SEMA3C: variants seen among roughly 807,000 people sequenced by gnomAD.
SEMA3C encodes semaphorin-3C.
Under a neutral mutation model 89.4 loss-of-function variants are expected in SEMA3C, and 47 were observed. That is an observed-to-expected ratio of 0.53 (90% CI 0.42 to 0.67). SEMA3C has a LOEUF of 0.67. Among genes scored for constraint, SEMA3C ranks in the 30% least tolerant of loss-of-function variants. SEMA3C has a pLI of 0.00. For missense variants in SEMA3C, 839 were observed against 929.1 expected, an observed-to-expected ratio of 0.90 and a Z score of 1.26; for synonymous variants, 310 against 320.2, an observed-to-expected ratio of 0.97 and a Z score of 0.34.
At chr7:80,867,577 A>G (rs1434517853) in intron 2 of SEMA3C, among the ~76,000 whole-genome samples, 2 of 152,160 alleles carry the variant, frequency 1.3e-5, no homozygotes, top group African/African-American at 4.8e-5. Flanking sequence ...CTAGATGCTC[A>G]GTGAAATTTT....
At chr7:80,853,499 CTTAAA>C (rs1375964368) in intron 2 of SEMA3C, among the ~76,000 whole-genome samples, 2 of 152,172 alleles carry the variant, frequency 1.3e-5, no homozygotes, top group African/African-American at 2.4e-5. Flanking sequence ...ATTATGTCAA[CTTAAA>C]TTAACCAGGC....
intron 1 of SEMA3C, 72 bp from the exon 2 acceptor site, chr7:80,916,891 G>GAC (rs1792290707): frequency 1.1e-5 from 14 of 1,245,150 alleles, no homozygotes; most frequent in Non-Finnish European, 1.5e-5. Context: ...CAGCAATCTA[G>GAC]ACAAAACACC....
intron 2 of SEMA3C, among the ~76,000 whole-genome samples, chr7:80,839,653 G>T (rs1790217227): frequency 6.6e-6 from 1 of 152,026 alleles, no homozygotes; most frequent in African/African-American, 2.4e-5. Flanking sequence ...AAGACTTGTA[G>T]GGATATATTT....
intron 2 of SEMA3C, among the ~76,000 whole-genome samples, chr7:80,879,530 C>T (rs1204235167): frequency 6.6e-6 from 1 of 152,166 alleles, no homozygotes; most frequent in Non-Finnish European, 1.5e-5. Context: ...TAACATACAA[C>T]ATTCTGTGAA....
intron 5 of SEMA3C, among the ~76,000 whole-genome samples, chr7:80,812,569 T>C (rs1789492521): frequency 6.6e-6 from 1 of 152,164 alleles, no homozygotes; most frequent in Non-Finnish European, 1.5e-5. Flanking sequence ...GGTAAGGTTG[T>C]TTAGGTACCA....
chr7:80,804,079 TCAAA>T lies in SEMA3C; in HGVS notation c.801+23_801+26del, dbSNP rs984990633. The T allele has an allele frequency of 2.6e-6, 4 of 1,559,264 alleles. No individual in the cohort carries two copies. The African/African-American group carries it at 5.5e-5, about 21-fold the overall frequency. On this transcript the variant is annotated intron_variant, in intron 8 of 17. Transcript: ENST00000265361. Reference sequence around the variant, plus strand: ...ATAATTTGAATTTCTTGGTCTTTCTTCAAATCGGAACAGCATTAATACTTACAGG... The same window carrying T: ...ATAATTTGAATTTCTTGGTCTTTCTTTCGGAACAGCATTAATACTTACAGG...
At chr7:80,883,766 C>A (rs1397433521) in intron 2 of SEMA3C, among the ~76,000 whole-genome samples, 1 of 152,182 alleles carries the variant, frequency 6.6e-6, no homozygotes, top group Non-Finnish European at 1.5e-5. Context: ...CAAAGCACAT[C>A]TTTAAATCAT....
At chr7:80,858,435 C>G (rs1267814913) in intron 2 of SEMA3C, among the ~76,000 whole-genome samples, 1 of 152,044 alleles carries the variant, frequency 6.6e-6, no homozygotes, top group Non-Finnish European at 1.5e-5. Context: ...CAGATATATT[C>G]CAAACTGAAA....
At chr7:80,746,933 A>G (rs1393129819) in intron 17 of SEMA3C, among the ~76,000 whole-genome samples, 1 of 152,120 alleles carries the variant, frequency 6.6e-6, no homozygotes, top group Admixed American at 6.6e-5. Flanking sequence ...TATGCTACTT[A>G]GTATGAACTA....
At position 80,742,822 on chromosome 7, in the gene SEMA3C, T is replaced by G. The variant is rs933528709; in HGVS notation, c.*2072A>C. The G allele has an allele frequency of 1.3e-5, 2 of 151,966 alleles. No individual in the cohort carries two copies. Among genetic ancestry groups the G allele is most frequent in the African/African-American group, 4.8e-5 (2 of 41,434 alleles). The allele number at this position is 151,966 out of a possible 1,614,324, so 9.4% of individuals were successfully genotyped here. ...CCACCAGTAGTATACATTAACAGCATTTTTGAAAAAAAATTTTCTTTTACA... is the reference window on the plus strand; with the variant it reads ...CCACCAGTAGTATACATTAACAGCAGTTTTGAAAAAAAATTTTCTTTTACA... On this transcript the variant is annotated 3_prime_UTR_variant, in exon 18 of 18. Transcript: ENST00000265361.
At chr7:80,922,205 C>T, upstream of SEMA3C, 1 of 1,255,278 alleles carries the variant, frequency 8.0e-7, no homozygotes, top group Non-Finnish European at 1.0e-6. Context: ...GGAAGAGAAA[C>T]TCAAGCGTGA....
At chr7:80,745,364 T>A in intron 17 of SEMA3C, 57 bp from the exon 18 acceptor site, 1 of 1,491,732 alleles carries the variant, frequency 6.7e-7, no homozygotes, top group Non-Finnish European at 9.2e-7. Flanking sequence ...CCTTAGATTA[T>A]GACCAACATA....
rs529589437 is a variant in SEMA3C at position 80,748,576 on chromosome 7, G to A, written c.1842+322C>T. On this transcript the variant is annotated intron_variant, in intron 17 of 17. Coordinates refer to ENST00000265361, the MANE Select transcript of SEMA3C (RefSeq NM_006379.5). ...ATCTTGTGAATCACACAAAGGTGCC[G>A]TTGTGTGAAAACTTGGCTTCTGGAT... Among the ~76,000 whole-genome samples, 11 of 152,170 alleles carry A rather than the reference G, an allele frequency of 7.2e-5. No individual in the cohort carries two copies. The South Asian group carries it at 1.9e-3, about 26-fold the overall frequency.
Position 80,916,702 on chromosome 7 carries a change from G to C in SEMA3C, c.80C>G (p.Ala27Gly), listed in dbSNP as rs139362282. 6 of 1,611,612 alleles carry C rather than the reference G, an allele frequency of 3.7e-6. No homozygotes were observed. Among genetic ancestry groups the C allele is most frequent in the Non-Finnish European group, 5.1e-6 (6 of 1,179,204 alleles). The part of the protein sequence containing the change: ...ICVKGSSQPQ[A>G]RVYLTFDELR... ...ACCATCAAATGTTAAATAAACTCTT[G>C]CTTGGGGCTGGGAAGATCCTTTCAC... The change falls in exon 2 of 18, where the codon GCA becomes GGA. Residue 27 changes from alanine (A) to glycine (G), a missense_variant. Coordinates refer to ENST00000265361, the MANE Select transcript of SEMA3C (RefSeq NM_006379.5).
intron 2 of SEMA3C, among the ~76,000 whole-genome samples, chr7:80,911,764 G>A (rs1385990226): frequency 1.3e-5 from 2 of 151,878 alleles, no homozygotes; most frequent in Middle Eastern, 3.2e-3. Context: ...CTCCCGAGTA[G>A]CTAGGACTAC....
At chr7:80,818,186 G>T in intron 5 of SEMA3C, 113 bp downstream of exon 5, 2 of 987,052 alleles carry the variant, frequency 2.0e-6, no homozygotes, top group Non-Finnish European at 2.9e-6. Flanking sequence ...GTATTTAAAG[G>T]GCATGAAAAT....
chr7:80,916,378 A>G (rs1792274461), intron 2 of SEMA3C, among the ~76,000 whole-genome samples: 1 of 152,190 alleles, frequency 6.6e-6, no homozygotes, highest in Non-Finnish European at 1.5e-5. Context: ...GTAAGATCAA[A>G]GATGCTAGGC....
intron 2 of SEMA3C, among the ~76,000 whole-genome samples, chr7:80,872,368 G>T (rs1358315426): frequency 1.3e-5 from 2 of 151,966 alleles, no homozygotes; most frequent in African/African-American, 4.8e-5. Flanking sequence ...GGCCAGGCTG[G>T]TCTCAAACTC....
intron 2 of SEMA3C, among the ~76,000 whole-genome samples, chr7:80,908,920 G>T (rs539089026): frequency 7.9e-5 from 12 of 152,152 alleles, no homozygotes; most frequent in African/African-American, 2.9e-4. Context: ...TTTAAAATAA[G>T]AAAACATATA....
Sources: gnomAD v4.1 joint callset for allele counts (sites outside exome capture counted in the v4.1 genomes callset) on GRCh38, gnomAD v4.1.1 for gene constraint, MANE v1.5 for transcripts, NCBI Gene and HGNC (gene_info 2026-07-23, HGNC 2026-07-21) for gene names.